The following LRP1B variants were observed in gnomAD, a reference collection of about 807,000 sequenced individuals.
The protein encoded by LRP1B is LDL receptor related protein 1B.
A neutral mutation model predicts 556.6 loss-of-function variants in LRP1B; 217 were observed. The observed-to-expected ratio is 0.39, with a 90% CI of 0.35 to 0.44. The LOEUF is 0.44. Ranked by LOEUF, LRP1B falls within the 20% of genes least tolerant of loss-of-function variation. The pLI is 1.00. For synonymous variants in LRP1B, 2,047 were observed against 1,865.8 expected (o/e 1.10, Z -2.50); for missense variants, 5,053 against 5,620.8 (o/e 0.90, Z 3.23).
chr2:142,049,384 A>C (rs1440446519), intron 1 of LRP1B, among the ~76,000 whole-genome samples: 3 of 152,128 alleles, frequency 2.0e-5, no homozygotes, highest in Non-Finnish European at 4.4e-5. Flanking sequence ...GCTTTATTGC[A>C]ACTTTTATAA....
At chr2:141,659,024 A>G (rs1690114872) in intron 2 of LRP1B, among the ~76,000 whole-genome samples, 1 of 152,100 alleles carries the variant, frequency 6.6e-6, no homozygotes, top group Non-Finnish European at 1.5e-5. Flanking sequence ...CTACCTCAGC[A>G]TACTGAGTAG....
intron 16 of LRP1B, among the ~76,000 whole-genome samples, chr2:140,993,284 A>G (rs967564619): frequency 8.5e-5 from 13 of 152,118 alleles, no homozygotes; most frequent in Admixed American, 5.9e-4. Context: ...AAAATATTTT[A>G]TATCTCTCAA....
chr2:141,212,046 T>A (rs1228282486), intron 6 of LRP1B, among the ~76,000 whole-genome samples: 5 of 152,096 alleles, frequency 3.3e-5, no homozygotes, highest in Non-Finnish European at 5.9e-5. Flanking sequence ...AAGAGTTTAA[T>A]AAAACATGTA....
In LRP1B at chr2:141,436,184, A is replaced by G. The variant is rs139698236; in HGVS notation, c.343+44212T>C. Among the ~76,000 whole-genome samples, 404 of 152,360 alleles carry G rather than the reference A, an allele frequency of 2.7e-3. 1 individual carries two copies. Among genetic ancestry groups the G allele is most frequent in the Admixed American group, 5.9e-3 (90 of 15,304 alleles). The stretch of plus-strand genomic sequence containing the variant: ...GTACATGATGATTTAACATATGTAC[A>G]TATGTATACATTATGAAATGATTAC... On this transcript the variant is annotated intron_variant, in intron 3 of 90. Transcript: ENST00000389484.
At chr2:140,721,170 G>A (rs1035132250) in intron 35 of LRP1B, among the ~76,000 whole-genome samples, 2 of 152,040 alleles carry the variant, frequency 1.3e-5, no homozygotes, top group African/African-American at 4.8e-5. Flanking sequence ...CACATAAAGG[G>A]AATACAATAT....
At chr2:140,384,250 C>CCAAAT (rs1683663603) in intron 67 of LRP1B, among the ~76,000 whole-genome samples, 1 of 152,106 alleles carries the variant, frequency 6.6e-6, no homozygotes, top group South Asian at 2.1e-4. Flanking sequence ...ATGATTAACA[C>CCAAAT]CAAATATATC....
chr2:141,279,786 G>A (rs1685443270), intron 3 of LRP1B, among the ~76,000 whole-genome samples: 1 of 152,004 alleles, frequency 6.6e-6, no homozygotes, highest in South Asian at 2.1e-4. Context: ...GGAGGGGAGG[G>A]ATAATACAAT....
chr2:141,789,718 G>A (rs1199143707), intron 2 of LRP1B, among the ~76,000 whole-genome samples: 3 of 151,994 alleles, frequency 2.0e-5, no homozygotes, highest in Admixed American at 1.3e-4. Context: ...AAGAATGTAA[G>A]AATAGCTCAT....
At chr2:141,337,568 G>A (rs1001215878) in intron 3 of LRP1B, among the ~76,000 whole-genome samples, 1 of 152,012 alleles carries the variant, frequency 6.6e-6, no homozygotes, top group Non-Finnish European at 1.5e-5. Context: ...TTAAATTTTG[G>A]CAAAATTCAA....
intron 66 of LRP1B, among the ~76,000 whole-genome samples, chr2:140,434,651 T>G (rs756662619): frequency 6.6e-6 from 1 of 152,156 alleles, no homozygotes; most frequent in Admixed American, 6.5e-5. Flanking sequence ...GGTGGCCTAA[T>G]TATATGAAAA....
At chr2:140,506,225 A>T (rs1472319552) in intron 53 of LRP1B, among the ~76,000 whole-genome samples, 2 of 151,998 alleles carry the variant, frequency 1.3e-5, no homozygotes, top group African/African-American at 2.4e-5. Flanking sequence ...AGACATTTTT[A>T]ATTTTAATTT....
chr2:141,798,467 G>T (rs943704399), intron 2 of LRP1B, among the ~76,000 whole-genome samples: 53 of 152,100 alleles, frequency 3.5e-4, no homozygotes, highest in African/African-American at 1.2e-3. Context: ...CAGCACTTCT[G>T]GGGGGCCGAG....
chr2:140,509,928 C>T lies in LRP1B; in HGVS notation c.8398G>A (p.Ala2800Thr), dbSNP rs376234911. ...GSDELSTAGC[A>T]PNNTCDENAF... Reference sequence around the variant, plus strand: ...ATGCAGCCCTGGCCAGTGTTCATACCGCAGCCTGCTGTGGAAAGCTCATCG... The same window carrying T: ...ATGCAGCCCTGGCCAGTGTTCATACTGCAGCCTGCTGTGGAAAGCTCATCG... The change falls in exon 52 of 91, where the codon GCT becomes ACT. Residue 2800 changes from alanine (A) to threonine (T), a missense_variant and splice_region_variant. Physicochemically the swap from Ala to Thr is moderately conservative, Grantham distance 58. Transcript: ENST00000389484. The T allele has an allele frequency of 3.1e-6, 5 of 1,612,714 alleles. No homozygotes were observed. The African/African-American group carries it at 4.0e-5, about 13-fold the overall frequency.
chr2:141,358,981 A>C lies in LRP1B; in HGVS notation c.344-104340T>G, dbSNP rs58526254. Among the ~76,000 whole-genome samples the C allele has an allele frequency of 6.8e-3, 1,041 of 152,204 alleles. 14 individuals are homozygous for C. The highest frequency in any genetic ancestry group is 0.024 in the African/African-American group (998 of 41,554). Reference sequence around the variant, plus strand: ...AATTGTATACAAGATAATTTGATTCAATTATTTATTAATTGGAATTTTTCA... The same window carrying C: ...AATTGTATACAAGATAATTTGATTCCATTATTTATTAATTGGAATTTTTCA... On this transcript the variant is annotated intron_variant, in intron 3 of 90. Coordinates refer to ENST00000389484, the MANE Select transcript of LRP1B (RefSeq NM_018557.3).
chr2:140,664,476 T>TA (rs1311672504), intron 41 of LRP1B, among the ~76,000 whole-genome samples: 1 of 152,078 alleles, frequency 6.6e-6, no homozygotes, highest in Non-Finnish European at 1.5e-5. Flanking sequence ...AGAAAAAAAT[T>TA]AAAATAATGA....
chr2:140,547,449 T>G (rs1280244872), intron 43 of LRP1B, among the ~76,000 whole-genome samples: 2 of 152,198 alleles, frequency 1.3e-5, no homozygotes, highest in African/African-American at 4.8e-5. Context: ...ACAGAGGTGC[T>G]CATAATATTC....
intron 2 of LRP1B, among the ~76,000 whole-genome samples, chr2:141,602,352 T>G (rs1425632769): frequency 6.6e-6 from 1 of 152,182 alleles, no homozygotes; most frequent in East Asian, 1.9e-4. Context: ...TACTGAAACT[T>G]AAAGGCAGGC....
chr2:141,772,939 T>C (rs1694949508), intron 2 of LRP1B, among the ~76,000 whole-genome samples: 1 of 152,194 alleles, frequency 6.6e-6, no homozygotes, highest in African/African-American at 2.4e-5. Flanking sequence ...TCTCCTTGTG[T>C]TACCCTTCCT....
chr2:141,076,809 G>C (rs1699799186), intron 7 of LRP1B, among the ~76,000 whole-genome samples: 1 of 152,158 alleles, frequency 6.6e-6, no homozygotes, highest in East Asian at 1.9e-4. Context: ...TACAAAACAA[G>C]ATCATTGAGG....
Sources: allele counts gnomAD v4.1 joint callset (sites outside exome capture counted in the v4.1 genomes callset), GRCh38; gene constraint gnomAD v4.1.1; transcripts MANE v1.5; gene names NCBI Gene and HGNC (gene_info 2026-07-23, HGNC 2026-07-21).